The following HIBCH variants were observed in gnomAD, a reference collection of about 807,000 sequenced individuals.
The protein encoded by HIBCH is 3-hydroxyisobutyryl-CoA hydrolase, mitochondrial.
In HIBCH, 50 loss-of-function variants were observed where a neutral mutation model predicts 58.2. That is an observed-to-expected ratio of 0.86 (90% confidence interval 0.68 to 1.09). The LOEUF (loss-of-function observed/expected upper bound fraction) is 1.09, where lower values mean the gene tolerates loss of function less well. Ranked by LOEUF, HIBCH falls within the 50% of genes least tolerant of loss-of-function variation. The pLI, the probability that HIBCH is intolerant of heterozygous loss-of-function variation, is 0.00. For missense variants in HIBCH, 450 were observed against 449.7 expected (o/e 1.00, Z -0.01); for synonymous variants, 151 against 146.9 (o/e 1.03, Z -0.20).
At position 190,279,059 on chromosome 2, in the gene HIBCH, G is replaced by A. The variant is rs148125398; in HGVS notation, c.438+8527C>T. 0.017 allele frequency among the ~76,000 whole-genome samples: 2,544 copies of A among 152,342 alleles called. 23 individuals are homozygous for A. The highest frequency in any genetic ancestry group is 0.024 in the Non-Finnish European group (1,651 of 68,034). The stretch of plus-strand genomic sequence containing the variant: ...GGAGATTGGGAAAGCCAAGGTTGAA[G>A]GGCCATATCTGTTGAGGGCCTTCTT... On this transcript the variant is annotated intron_variant, in intron 6 of 13. Coordinates refer to ENST00000359678, the MANE Select transcript of HIBCH (RefSeq NM_014362.4). The surrounding 1 kb of genome is among the most constrained non-coding windows in gnomAD (Gnocchi z 4.2).
chr2:190,237,263 T>C (rs1686301397), intron 11 of HIBCH, among the ~76,000 whole-genome samples: 1 of 152,228 alleles, frequency 6.6e-6, no homozygotes, highest in African/African-American at 2.4e-5. Context: ...CTGTTTTCTA[T>C]TCAAATACTT....
intron 4 of HIBCH, among the ~76,000 whole-genome samples, chr2:190,292,381 T>C (rs1013042594): frequency 8.5e-5 from 13 of 152,220 alleles, no homozygotes; most frequent in African/African-American, 2.9e-4. Flanking sequence ...CTCAGCTCAC[T>C]GCAACCTCCA....
chr2:190,219,964 T>A (rs184102638), intron 11 of HIBCH, among the ~76,000 whole-genome samples: 7 of 152,350 alleles, frequency 4.6e-5, no homozygotes, highest in Admixed American at 3.9e-4. Context: ...GTGTCTTAAC[T>A]ATAGTCTTCA....
intron 1 of HIBCH, among the ~76,000 whole-genome samples, chr2:190,193,523 G>GTGTAA (rs1448423837): frequency 6.6e-6 from 1 of 152,078 alleles, no homozygotes; most frequent in Non-Finnish European, 1.5e-5. Context: ...CTCTAGTGTA[G>GTGTAA]CCATTAGGGC....
intron 7 of HIBCH, among the ~76,000 whole-genome samples, chr2:190,253,228 T>A (rs531283724): frequency 3.5e-4 from 53 of 152,136 alleles, no homozygotes; most frequent in African/African-American, 1.2e-3. Context: ...ATAGCATACA[T>A]ACAAGTAATT....
chr2:190,289,280 T>C (rs1188534709), intron 5 of HIBCH, among the ~76,000 whole-genome samples: 1 of 152,196 alleles, frequency 6.6e-6, no homozygotes, highest in Non-Finnish European at 1.5e-5. Flanking sequence ...ATCTACTAGA[T>C]ATTAATTCAT....
chr2:190,218,535 T>C (rs2105907225), intron 11 of HIBCH, among the ~76,000 whole-genome samples: 1 of 152,266 alleles, frequency 6.6e-6, no homozygotes, highest in Middle Eastern at 3.4e-3. Flanking sequence ...TACTACTTCC[T>C]TTAACCCACC....
At chr2:190,226,155 T>C (rs534533592) in intron 11 of HIBCH, among the ~76,000 whole-genome samples, 2 of 152,328 alleles carry the variant, frequency 1.3e-5, no homozygotes, top group East Asian at 3.9e-4. Flanking sequence ...ATTATCATAC[T>C]GAATGGGCAA....
intron 1 of HIBCH, among the ~76,000 whole-genome samples, chr2:190,311,467 GGTTT>G (rs939102291): frequency 3.3e-4 from 50 of 152,090 alleles, no homozygotes; most frequent in African/African-American, 9.7e-4. Flanking sequence ...TAAGAAAAAA[GGTTT>G]GTTAAAGATG....
intron 11 of HIBCH, among the ~76,000 whole-genome samples, chr2:190,222,822 G>A (rs562223435): frequency 5.5e-4 from 84 of 152,290 alleles, no homozygotes; most frequent in African/African-American, 2.0e-3. Flanking sequence ...ACATGCACAC[G>A]TATGTTTATT....
chr2:190,314,400 T>TAC (rs1165455755), intron 1 of HIBCH, among the ~76,000 whole-genome samples: 8 of 146,606 alleles, frequency 5.5e-5, no homozygotes, highest in Admixed American at 6.9e-5. Context: ...TGTATATATA[T>TAC]ACGTATATAT....
chr2:190,205,110 T>C lies in HIBCH; in HGVS notation c.*7A>G, dbSNP rs536142142. ...TGCTACAAAATATACCTTAAAAGCC[T>C]GTCACCTCAAAATTTCAAATCACTG... On this transcript the variant is annotated 3_prime_UTR_variant, in exon 14 of 14. Transcript: ENST00000359678. 2 of 1,496,378 alleles carry C rather than the reference T, an allele frequency of 1.3e-6. No individual in the cohort carries two copies. The highest frequency in any genetic ancestry group is 1.7e-5 in the Admixed American group (1 of 59,768). 92.7% of individuals were successfully genotyped at this position (1,496,378 alleles called of 1,614,324 possible). A position where few individuals can be genotyped will look rare whatever the true frequency, so the allele number is the denominator to read the frequency against.
chr2:190,314,268 CT>C (rs1688633244), intron 1 of HIBCH, among the ~76,000 whole-genome samples: 1 of 14,666 alleles, frequency 6.8e-5, no homozygotes, highest in Non-Finnish European at 1.5e-4. Flanking sequence ...GGACCAGTTA[CT>C]ACAAAAAAAA....
intron 11 of HIBCH, among the ~76,000 whole-genome samples, chr2:190,231,963 A>G (rs1177575339): frequency 6.6e-6 from 1 of 152,196 alleles, no homozygotes; most frequent in Non-Finnish European, 1.5e-5. Flanking sequence ...TGGGAGGCCA[A>G]GGTGTGTGGA....
chr2:190,229,809 G>A (rs1370089842), intron 11 of HIBCH, among the ~76,000 whole-genome samples: 1 of 150,894 alleles, frequency 6.6e-6, no homozygotes, highest in African/African-American at 2.4e-5. Flanking sequence ...ACTAAACTAA[G>A]AGACACTACT....
At chr2:190,282,314 G>C (rs927967276) in intron 6 of HIBCH, among the ~76,000 whole-genome samples, 1 of 152,194 alleles carries the variant, frequency 6.6e-6, no homozygotes, top group Admixed American at 6.5e-5. Flanking sequence ...TTTAGGTGAT[G>C]GTTCTACAAG....
At chr2:190,200,673 A>AAGAT (rs757248603), downstream of HIBCH, 1 of 170,048 alleles carries the variant, frequency 5.9e-6, no homozygotes, top group African/African-American at 2.4e-5. Context: ...TTAATAAGAT[A>AAGAT]AGATATTTAT....
chr2:190,249,816 C>T (rs1011382216), intron 8 of HIBCH, 90 bp from the exon 9 acceptor site: 21 of 869,406 alleles, frequency 2.4e-5, no homozygotes, highest in Middle Eastern at 3.2e-4. Context: ...TTTTAGAATT[C>T]TTGACTTTAA....
chr2:190,289,455 G>A (rs1687911124), intron 5 of HIBCH, among the ~76,000 whole-genome samples: 1 of 151,996 alleles, frequency 6.6e-6, no homozygotes, highest in Non-Finnish European at 1.5e-5. Flanking sequence ...GTCAAATATG[G>A]TCTAGGAGAA....
Sources: gnomAD v4.1 joint callset for allele counts (sites outside exome capture counted in the v4.1 genomes callset) on GRCh38, gnomAD v4.1.1 for gene constraint, Gnocchi (gnomAD v3.1) non-coding constraint, MANE v1.5 for transcripts, NCBI Gene and HGNC (gene_info 2026-07-23, HGNC 2026-07-21) for gene names.